Variants in XKR9 observed in about 807,000 individuals in gnomAD.
XKR9 encodes XK related 9.
Under a neutral mutation model 32.0 loss-of-function variants are expected in XKR9, and 32 were observed. That is an observed-to-expected ratio of 1.00 (90% CI 0.76 to 1.34). XKR9 has a LOEUF of 1.34. XKR9 is among the 40% of genes most tolerant of loss of function. The probability of loss-of-function intolerance (pLI) is 0.00; values close to 1 mark genes in which losing one functional copy is unlikely to be tolerated. For missense variants in XKR9, 546 were observed against 429.7 expected (o/e 1.27, Z -2.39); for synonymous variants, 168 against 143.4 (o/e 1.17, Z -1.22).
At chr8:70,937,141 T>C in the XKR9 span, among the ~76,000 whole-genome samples, 1 of 151,788 alleles carries the variant, frequency 6.6e-6, no homozygotes, top group Non-Finnish European at 1.5e-5. Context: ...TGCGTATGTA[T>C]GTGTGTGTGT....
At chr8:70,742,419 G>A (rs1248384730) in intron 2 of XKR9, among the ~76,000 whole-genome samples, 1 of 152,182 alleles carries the variant, frequency 6.6e-6, no homozygotes, top group East Asian at 1.9e-4. Context: ...AAGCTGCTTG[G>A]CAGCACTTGA....
intron 2 of XKR9, among the ~76,000 whole-genome samples, chr8:70,765,633 G>A (rs183297592): frequency 1.2e-3 from 179 of 152,214 alleles, no homozygotes; most frequent in African/African-American, 4.2e-3. Context: ...TTCAATTTTG[G>A]CTTGCGTTGC....
chr8:70,936,797 C>G, the XKR9 span, among the ~76,000 whole-genome samples: 19 of 152,058 alleles, frequency 1.2e-4, 1 homozygote, highest in African/African-American at 4.3e-4. Context: ...TTGAACCAGG[C>G]AGATGTCAGG....
At chr8:70,748,777 T>C (rs973060453) in intron 2 of XKR9, among the ~76,000 whole-genome samples, 3 of 152,334 alleles carry the variant, frequency 2.0e-5, no homozygotes, top group African/African-American at 4.8e-5. Context: ...TGAGAATTTA[T>C]GGTGCTTTTT....
chr8:70,982,496 G>A, the XKR9 span, among the ~76,000 whole-genome samples: 2 of 152,060 alleles, frequency 1.3e-5, no homozygotes. Flanking sequence ...GCCTCTCCCT[G>A]CTCCCACACA....
chr8:70,950,415 G>A, the XKR9 span, among the ~76,000 whole-genome samples: 1 of 152,118 alleles, frequency 6.6e-6, no homozygotes, highest in Non-Finnish European at 1.5e-5. Context: ...TCTAGGCAAA[G>A]AGGGGAAGGA....
the XKR9 span, among the ~76,000 whole-genome samples, chr8:70,907,470 G>T: frequency 1.3e-5 from 2 of 152,070 alleles, no homozygotes; most frequent in Non-Finnish European, 2.9e-5. Context: ...ATACCTTGCT[G>T]TATTCATATA....
the XKR9 span, among the ~76,000 whole-genome samples, chr8:70,817,755 A>G: frequency 1.3e-5 from 2 of 152,146 alleles, no homozygotes; most frequent in Admixed American, 6.6e-5. Flanking sequence ...CTACTGGTTA[A>G]AAAACAGGTA....
At chr8:70,904,553 A>G in the XKR9 span, among the ~76,000 whole-genome samples, 1 of 152,100 alleles carries the variant, frequency 6.6e-6, no homozygotes, top group Non-Finnish European at 1.5e-5. Flanking sequence ...CAGCACACTG[A>G]TGGGTCTTGA....
chr8:70,820,685 G>A, the XKR9 span, among the ~76,000 whole-genome samples: 2 of 152,172 alleles, frequency 1.3e-5, no homozygotes, highest in Non-Finnish European at 2.9e-5. Context: ...GGGAAGCAAG[G>A]CAACTTCTTC....
chr8:70,795,640 A>T, the XKR9 span, among the ~76,000 whole-genome samples: 1 of 152,096 alleles, frequency 6.6e-6, no homozygotes, highest in African/African-American at 2.4e-5. Context: ...CCTTGTCAGC[A>T]TCTGTTATTT....
intron 2 of XKR9, among the ~76,000 whole-genome samples, chr8:70,752,823 A>C (rs544792083): frequency 1.3e-5 from 2 of 152,120 alleles, no homozygotes; most frequent in African/African-American, 4.8e-5. Context: ...AGGAAAGATC[A>C]AAAATTGACA....
the XKR9 span, among the ~76,000 whole-genome samples, chr8:70,833,540 G>A: frequency 6.6e-6 from 1 of 152,074 alleles, no homozygotes; most frequent in African/African-American, 2.4e-5. Flanking sequence ...AATGTGATGT[G>A]CCTTGTAGAA....
chr8:70,980,739 G>A, the XKR9 span, among the ~76,000 whole-genome samples: 1 of 152,184 alleles, frequency 6.6e-6, no homozygotes, highest in Admixed American at 6.5e-5. Flanking sequence ...GGTCCTGTGA[G>A]ATTTATGCTT....
At chr8:70,782,545 G>A (rs893617427) in intron 2 of XKR9, among the ~76,000 whole-genome samples, 3 of 151,786 alleles carry the variant, frequency 2.0e-5, no homozygotes, top group South Asian at 2.1e-4. Context: ...CCTTCTGCTT[G>A]AGATTTTGTA....
chr8:70,800,436 G>A, the XKR9 span, among the ~76,000 whole-genome samples: 1 of 152,144 alleles, frequency 6.6e-6, no homozygotes, highest in African/African-American at 2.4e-5. Context: ...TAGGAGGAAA[G>A]GTAGCAGCTC....
intron 4 of XKR9, among the ~76,000 whole-genome samples, chr8:70,722,949 T>G (rs1806332137): frequency 6.6e-6 from 1 of 152,150 alleles, no homozygotes; most frequent in African/African-American, 2.4e-5. Flanking sequence ...ATCGTAGGTT[T>G]GGTCTTTTCA....
downstream of XKR9, among the ~76,000 whole-genome samples, chr8:70,738,319 C>T (rs1221962519): frequency 2.8e-5 from 4 of 143,014 alleles, no homozygotes; most frequent in Admixed American, 7.0e-5. Flanking sequence ...GGTGATGTCC[C>T]CTTTATCATT....
At chr8:70,689,341 A>G (rs565205425) in intron 3 of XKR9, among the ~76,000 whole-genome samples, 10 of 151,736 alleles carry the variant, frequency 6.6e-5, no homozygotes, top group African/African-American at 1.7e-4. Context: ...CTGAATGACT[A>G]TATACTCTCT....
Sources: allele counts gnomAD v4.1 joint callset (sites outside exome capture counted in the v4.1 genomes callset), GRCh38; gene constraint gnomAD v4.1.1; transcripts MANE v1.5; gene names NCBI Gene and HGNC (gene_info 2026-07-23, HGNC 2026-07-21).